IL5RA: variants seen among roughly 807,000 people sequenced by gnomAD.
IL5RA encodes the protein interleukin 5 receptor subunit alpha.
In IL5RA, 49 loss-of-function variants were observed where a neutral mutation model predicts 50.0. The observed-to-expected ratio is 0.98, with a 90% CI of 0.78 to 1.24. IL5RA has a LOEUF of 1.24. Among genes scored for constraint, IL5RA ranks in the 50% most tolerant of loss-of-function variants. The pLI, the probability that IL5RA is intolerant of heterozygous loss-of-function variation, is 0.00. For synonymous variants in IL5RA, 202 were observed against 174.0 expected, an observed-to-expected ratio of 1.16 and a Z score of -1.26; for missense variants, 600 against 500.4, an observed-to-expected ratio of 1.20 and a Z score of -1.90.
Position 3,092,500 on chromosome 3 carries a change from A to C in IL5RA, c.856-138T>G. On this transcript the variant is annotated intron_variant, in intron 8 of 11. Coordinates refer to ENST00000446632, the MANE Select transcript of IL5RA (RefSeq NM_175726.4). The surrounding 1 kb of genome is among the most constrained non-coding windows in gnomAD (Gnocchi z 4.2). ...TTTAAAATCAACAGGGCACACATTA[A>C]TTCGTTTATGCTAGGTGCGTTAGTG... 1 of 792,744 alleles carries C rather than the reference A, an allele frequency of 1.3e-6. No individual in the cohort carries two copies. The highest frequency in any genetic ancestry group is 2.1e-6 in the Non-Finnish European group (1 of 486,778). The allele number at this position is 792,744 out of a possible 1,614,324, so 49.1% of individuals were successfully genotyped here.
chr3:3,076,088 C>A (rs1702471595), intron 10 of IL5RA, among the ~76,000 whole-genome samples: 1 of 152,190 alleles, frequency 6.6e-6, no homozygotes, highest in Non-Finnish European at 1.5e-5. Context: ...TAATAACCAT[C>A]AGCCACTCAG....
chr3:3,086,403 G>C (rs981560910), intron 9 of IL5RA, among the ~76,000 whole-genome samples: 12 of 152,086 alleles, frequency 7.9e-5, no homozygotes, highest in African/African-American at 2.9e-4. Context: ...AGATAACAAA[G>C]GAACAGAAGA....
intron 7 of IL5RA, 38 bp downstream of exon 7, chr3:3,097,832 G>C: frequency 6.3e-7 from 1 of 1,583,842 alleles, no homozygotes; most frequent in Non-Finnish European, 8.6e-7. Flanking sequence ...GAGATTCCGA[G>C]ATTCAGTTAT....
rs536379071 is a variant in IL5RA, at chr3:3,082,943, G to A, written c.995-6316C>T. Among the ~76,000 whole-genome samples the A allele has an allele frequency of 2.0e-5, 3 of 152,290 alleles. No homozygotes were observed. In the South Asian group the frequency reaches 6.2e-4, roughly 32 times the overall value. ...TCAGACTCAACAATAGGTTTCCAGG[G>A]AAAAGAGCTAATTAGTAAATTGATG... On this transcript the variant is annotated intron_variant, in intron 9 of 11. Coordinates refer to ENST00000446632, the MANE Select transcript of IL5RA (RefSeq NM_175726.4).
chr3:3,086,036 AG>A (rs1262343933), intron 9 of IL5RA, among the ~76,000 whole-genome samples: 1 of 152,146 alleles, frequency 6.6e-6, no homozygotes, highest in African/African-American at 2.4e-5. Flanking sequence ...GACTAACGAA[AG>A]TCAAATTTGG....
rs765852783 is a variant in IL5RA at position 3,067,074 on chromosome 3, A to G, written c.*3151T>C. On this transcript the variant is annotated 3_prime_UTR_variant, in exon 12 of 12. Transcript: ENST00000446632. ...CTGCTGCTGATGGTGTTTACTGTTA[A>G]GTGAATTTCAAACTCTTTGACTTGC... 6.6e-6 allele frequency: 1 copy of G among 152,284 alleles called. No homozygotes were observed. The highest frequency in any genetic ancestry group is 1.5e-5 in the Non-Finnish European group (1 of 68,074). 9.4% of individuals were successfully genotyped at this position (152,284 alleles called of 1,614,324 possible). A position where few individuals can be genotyped will look rare whatever the true frequency, so the allele number is the denominator to read the frequency against.
At chr3:3,083,018 C>T (rs1300260471) in intron 9 of IL5RA, among the ~76,000 whole-genome samples, 2 of 152,128 alleles carry the variant, frequency 1.3e-5, no homozygotes, top group Admixed American at 6.5e-5. Flanking sequence ...CCAGCAGGTG[C>T]TGGGAGAAGT....
intron 9 of IL5RA, among the ~76,000 whole-genome samples, chr3:3,081,479 G>T (rs1421909966): frequency 6.6e-6 from 1 of 152,184 alleles, no homozygotes; most frequent in Admixed American, 6.5e-5. Context: ...TTTATAACTA[G>T]GTTAAACCAA....
At chr3:3,070,573 A>ATTTTTTT (rs1559858173) in intron 11 of IL5RA, among the ~76,000 whole-genome samples, 1 of 106,230 alleles carries the variant, frequency 9.4e-6, no homozygotes, top group African/African-American at 4.2e-5. Flanking sequence ...ATGGATACAC[A>ATTTTTTT]TCTTTTTTTT....
intron 9 of IL5RA, among the ~76,000 whole-genome samples, chr3:3,077,339 A>G: frequency 6.6e-6 from 1 of 152,214 alleles, no homozygotes; most frequent in East Asian, 1.9e-4. Flanking sequence ...TTTAGGGTAC[A>G]TGTGCACAAC....
At chr3:3,088,385 C>T (rs932521370) in intron 9 of IL5RA, among the ~76,000 whole-genome samples, 1 of 152,150 alleles carries the variant, frequency 6.6e-6, no homozygotes, top group African/African-American at 2.4e-5. Context: ...CCCTGTCATG[C>T]TCGTCACCAC....
Position 3,068,993 on chromosome 3 carries a change from A to G in IL5RA, c.*1232T>C, listed in dbSNP as rs1487076021. ...AGAAAACAAACAAACCTGGAAATAT[A>G]TGGTAGTCAGTGTGTCCCCACCGAT... On this transcript the variant is annotated 3_prime_UTR_variant, in exon 12 of 12. Transcript: ENST00000446632. The G allele has an allele frequency of 6.6e-6, 1 of 152,218 alleles. No homozygotes were observed. The highest frequency in any genetic ancestry group is 1.5e-5 in the Non-Finnish European group (1 of 68,042). 9.4% of individuals were successfully genotyped at this position (152,218 alleles called of 1,614,324 possible). A position where few individuals can be genotyped will look rare whatever the true frequency, so the allele number is the denominator to read the frequency against.
chr3:3,106,860 T>C (rs1009046181), intron 2 of IL5RA, among the ~76,000 whole-genome samples: 1 of 151,932 alleles, frequency 6.6e-6, no homozygotes, highest in Non-Finnish European at 1.5e-5. Flanking sequence ...TATTTCTTTG[T>C]GACTTTCACT....
At chr3:3,072,800 T>C (rs1419703842) in intron 11 of IL5RA, among the ~76,000 whole-genome samples, 1 of 152,148 alleles carries the variant, frequency 6.6e-6, no homozygotes, top group Admixed American at 6.5e-5. Context: ...TAATCCCAGC[T>C]ATATGGGAGG....
chr3:3,081,068 TA>T (rs1702648137), intron 9 of IL5RA, among the ~76,000 whole-genome samples: 1 of 152,218 alleles, frequency 6.6e-6, no homozygotes, highest in African/African-American at 2.4e-5. Context: ...AAAAAGGCAT[TA>T]GCCACATTTT....
chr3:3,070,394 A>G, intron 11 of IL5RA, 83 bp from the exon 12 acceptor site: 1 of 790,148 alleles, frequency 1.3e-6, no homozygotes, highest in Non-Finnish European at 2.1e-6. Flanking sequence ...CTTTAAGTCT[A>G]TTATTTTTTA....
chr3:3,075,245 C>G (rs1328279810), intron 10 of IL5RA, among the ~76,000 whole-genome samples: 1 of 147,942 alleles, frequency 6.8e-6, no homozygotes, highest in Non-Finnish European at 1.5e-5. Flanking sequence ...CTCTGTCACC[C>G]AGGCTGGAGT....
chr3:3,076,490 T>C (rs1207385383), intron 10 of IL5RA, 41 bp downstream of exon 10: 2 of 1,258,426 alleles, frequency 1.6e-6, no homozygotes, highest in South Asian at 1.2e-5. Flanking sequence ...AATGCAGTAC[T>C]GAAACCCCAC....
In IL5RA at chr3:3,098,137, C is replaced by G; in HGVS notation, c.521G>C (p.Arg174Thr). 1 of 1,614,114 alleles carries G rather than the reference C, an allele frequency of 6.2e-7. No homozygotes were observed. The highest frequency in any genetic ancestry group is 1.1e-5 in the South Asian group (1 of 91,080). ...PEDTQYFLYY[R>T]YGSWTEECQE... ...AAGTAAAAATAGGTACAGTACTAAC[C>G]TATAGTAGAGAAAATACTGCGTGTC... is the stretch of plus-strand genomic sequence containing the variant. Residue 174 changes from arginine (R) to threonine (T), a missense_variant and splice_region_variant, in exon 6 of 12, where the codon AGG becomes ACG. Physicochemically the swap from Arg to Thr is moderately conservative, Grantham distance 71. Transcript: ENST00000446632.
Sources: gnomAD v4.1 joint callset for allele counts (sites outside exome capture counted in the v4.1 genomes callset) on GRCh38, gnomAD v4.1.1 for gene constraint, Gnocchi (gnomAD v3.1) non-coding constraint, MANE v1.5 for transcripts, NCBI Gene and HGNC (gene_info 2026-07-23, HGNC 2026-07-21) for gene names.